The following GRIN2A variants were observed in gnomAD, a reference collection of about 807,000 sequenced individuals.
GRIN2A encodes the protein glutamate ionotropic receptor NMDA type subunit 2A.
Under a neutral mutation model 113.4 loss-of-function variants are expected in GRIN2A, and 22 were observed. That is an observed-to-expected ratio of 0.19 (90% confidence interval 0.14 to 0.28). The LOEUF is 0.28. Among genes scored for constraint, GRIN2A ranks in the 10% least tolerant of loss-of-function variants. The pLI is 1.00. For missense variants in GRIN2A, 1,502 were observed against 1,887.0 expected (o/e 0.80, Z 3.78); for synonymous variants, 827 against 738.4 (o/e 1.12, Z -1.94).
At position 10,138,355 on chromosome 16, in the gene GRIN2A, G is replaced by T. The variant is rs68013133; in HGVS notation, c.414+41643C>A. Among the ~76,000 whole-genome samples, 3 of 152,072 alleles carry T rather than the reference G, an allele frequency of 2.0e-5. No individual in the cohort carries two copies. In the East Asian group the frequency reaches 5.8e-4, roughly 29 times the overall value. The stretch of plus-strand genomic sequence containing the variant: ...GGAACAGAGGTTTAATTGACTCACC[G>T]CTTGGCATGGCTGGGGAAGGAGACC... On this transcript the variant is annotated intron_variant, in intron 2 of 12. Transcript: ENST00000330684.
At chr16:10,175,198 G>A (rs1161568280) in intron 2 of GRIN2A, among the ~76,000 whole-genome samples, 1 of 152,160 alleles carries the variant, frequency 6.6e-6, no homozygotes, top group Non-Finnish European at 1.5e-5. Flanking sequence ...ATGTTCACAC[G>A]ATTAAATCAC....
chr16:9,873,266 G>A (rs989681052), intron 4 of GRIN2A, among the ~76,000 whole-genome samples: 1 of 151,936 alleles, frequency 6.6e-6, no homozygotes, highest in African/African-American at 2.4e-5. Flanking sequence ...TTGTGAGAGG[G>A]ATACTCAAAA....
At chr16:10,061,234 A>C (rs186673422) in intron 2 of GRIN2A, among the ~76,000 whole-genome samples, 132 of 152,298 alleles carry the variant, frequency 8.7e-4, no homozygotes, top group African/African-American at 2.9e-3. Flanking sequence ...GATGCAAACC[A>C]TGTGCTTAAG....
chr16:10,074,273 T>A (rs2047824202), intron 2 of GRIN2A, among the ~76,000 whole-genome samples: 1 of 152,206 alleles, frequency 6.6e-6, no homozygotes, highest in Non-Finnish European at 1.5e-5. Context: ...GTACACTGAT[T>A]GTGAGAATGT....
At chr16:10,095,169 G>C (rs570680292) in intron 2 of GRIN2A, among the ~76,000 whole-genome samples, 1 of 152,242 alleles carries the variant, frequency 6.6e-6, no homozygotes, top group Non-Finnish European at 1.5e-5. Context: ...CTGCAAACCA[G>C]TAAGAGAGCC....
intron 2 of GRIN2A, among the ~76,000 whole-genome samples, chr16:10,096,979 T>C (rs2048306629): frequency 6.6e-6 from 1 of 152,172 alleles, no homozygotes; most frequent in African/African-American, 2.4e-5. Context: ...GCTGTGATAA[T>C]TTTTAGGTGG....
At chr16:10,176,795 A>G (rs2050156710) in intron 2 of GRIN2A, among the ~76,000 whole-genome samples, 1 of 152,104 alleles carries the variant, frequency 6.6e-6, no homozygotes, top group Admixed American at 6.5e-5. Context: ...ACATGTATAC[A>G]TATGTAACAA....
At chr16:9,916,162 G>A (rs911100404) in intron 3 of GRIN2A, among the ~76,000 whole-genome samples, 1 of 152,124 alleles carries the variant, frequency 6.6e-6, no homozygotes, top group Admixed American at 6.5e-5. Flanking sequence ...GCAACTCAAA[G>A]AATTGTTATG....
rs370972440 is a variant in GRIN2A at position 10,117,405 on chromosome 16, T to C, written c.414+62593A>G. Among the ~76,000 whole-genome samples, 9 of 152,336 alleles carry C rather than the reference T, an allele frequency of 5.9e-5. No individual in the cohort carries two copies. In the South Asian group the frequency reaches 6.2e-4, roughly 11 times the overall value. The stretch of plus-strand genomic sequence containing the variant: ...TGGGTGGCGATAAAATGAATTAAGA[T>C]TGTCCATGAGTTGATAAATGCTGAA... On this transcript the variant is annotated intron_variant, in intron 2 of 12. Transcript: ENST00000330684.
chr16:9,774,300 GAT>G (rs1314204693), intron 11 of GRIN2A, among the ~76,000 whole-genome samples: 1 of 152,216 alleles, frequency 6.6e-6, no homozygotes, highest in African/African-American at 2.4e-5. Flanking sequence ...ACTAGAATGA[GAT>G]ATAAAAGGAA....
intron 10 of GRIN2A, among the ~76,000 whole-genome samples, chr16:9,821,002 T>G (rs950316511): frequency 5.9e-5 from 9 of 152,162 alleles, no homozygotes; most frequent in African/African-American, 2.2e-4. Flanking sequence ...AAGGACAGAA[T>G]GCTCACAGCC....
At chr16:10,088,687 C>G (rs1014939970) in intron 2 of GRIN2A, among the ~76,000 whole-genome samples, 3 of 152,218 alleles carry the variant, frequency 2.0e-5, no homozygotes, top group Non-Finnish European at 4.4e-5. Context: ...CCCACCCACT[C>G]GGCTGTGTTG....
At chr16:9,810,377 C>T (rs2042063558) in intron 10 of GRIN2A, among the ~76,000 whole-genome samples, 1 of 152,166 alleles carries the variant, frequency 6.6e-6, no homozygotes, top group African/African-American at 2.4e-5. Flanking sequence ...TTGGGAAAAC[C>T]ACACTACAGC....
chr16:9,826,708 A>G (rs1361582646), intron 9 of GRIN2A, among the ~76,000 whole-genome samples: 1 of 152,218 alleles, frequency 6.6e-6, no homozygotes, highest in Non-Finnish European at 1.5e-5. Flanking sequence ...ATTTAATTAA[A>G]AGAGCTATCA....
chr16:9,785,333 G>GC (rs1357897416), intron 11 of GRIN2A, among the ~76,000 whole-genome samples: 2 of 150,666 alleles, frequency 1.3e-5, no homozygotes, highest in African/African-American at 4.9e-5. Context: ...GCAAACTATC[G>GC]CAAGGACAAA....
chr16:10,086,026 G>C (rs1256812589), intron 2 of GRIN2A, among the ~76,000 whole-genome samples: 2 of 152,114 alleles, frequency 1.3e-5, no homozygotes, highest in South Asian at 2.1e-4. Context: ...TGTGCTCCAC[G>C]GGTGTCCTCT....
At chr16:9,842,252 C>CAAAAAAA (rs57369493) in intron 5 of GRIN2A, among the ~76,000 whole-genome samples, 5,186 of 136,592 alleles carry the variant, frequency 0.038, 307 homozygotes, top group African/African-American at 0.13. Context: ...ACTCTGTCTC[C>CAAAAAAA]AAAAAAAAAA....
At chr16:10,073,466 C>T (rs370054260) in intron 2 of GRIN2A, among the ~76,000 whole-genome samples, 1 of 152,182 alleles carries the variant, frequency 6.6e-6, no homozygotes, top group African/African-American at 2.4e-5. Context: ...AGTCCTGGCT[C>T]AATGGAATCA....
chr16:10,060,297 G>A (rs976591851), intron 2 of GRIN2A, among the ~76,000 whole-genome samples: 7 of 152,176 alleles, frequency 4.6e-5, no homozygotes, highest in Non-Finnish European at 1.0e-4. Flanking sequence ...TACTAGGCAC[G>A]AACCACATGC....
Sources: allele counts gnomAD v4.1 joint callset (sites outside exome capture counted in the v4.1 genomes callset), GRCh38; gene constraint gnomAD v4.1.1; transcripts MANE v1.5; gene names NCBI Gene and HGNC (gene_info 2026-07-23, HGNC 2026-07-21).